The following ZNF319 variants were observed in gnomAD, a reference collection of about 807,000 sequenced individuals.
ZNF319 encodes zinc finger protein 319.
A neutral mutation model predicts 46.0 loss-of-function variants in ZNF319; 15 were observed. The observed-to-expected ratio is 0.33, with a 90% CI of 0.22 to 0.50. ZNF319 has a LOEUF of 0.50. Among genes scored for constraint, ZNF319 ranks in the 20% least tolerant of loss-of-function variants. The pLI, the probability that ZNF319 is intolerant of heterozygous loss-of-function variation, is 0.98. For synonymous variants in ZNF319, 368 were observed against 364.0 expected (o/e 1.01, Z -0.13); for missense variants, 635 against 807.0 (o/e 0.79, Z 2.58).
At chr16:57,999,420 C>T (rs1012845101) in intron 1 of ZNF319, 73 bp downstream of exon 1, 1 of 152,302 alleles carries the variant, frequency 6.6e-6, no homozygotes, top group East Asian at 1.9e-4. Flanking sequence ...CATTCCCTTA[C>T]TCCAAGCCTA....
At position 57,996,948 on chromosome 16, in the gene ZNF319, C is replaced by T. The variant is rs981635877; in HGVS notation, c.1318G>A (p.Ala440Thr). The T allele has an allele frequency of 6.2e-7, 1 of 1,601,782 alleles. No individual in the cohort carries two copies. The highest frequency in any genetic ancestry group is 8.5e-7 in the Non-Finnish European group (1 of 1,178,750). ...AGCTGGTGCTTCTGCAGGGCCGACGCGCGCTTGTAGGCCTTGTTGCACACA... is the reference window on the plus strand; with the variant it reads ...AGCTGGTGCTTCTGCAGGGCCGACGTGCGCTTGTAGGCCTTGTTGCACACA... The part of the protein sequence containing the change: ...CPVCNKAYKR[A>T]SALQKHQLAH... Residue 440 changes from alanine to threonine, a missense_variant, in exon 2 of 2, where the codon GCG becomes ACG. Around this residue, in one of 3 missense-constraint regions of ZNF319, gnomAD observed 270 missense variants for 281.4 expected, o/e 0.96. Transcript: ENST00000299237.
At position 57,997,965 on chromosome 16, in the gene ZNF319, C is replaced by A; in HGVS notation, c.301G>T (p.Asp101Tyr). ...CACTGTGTGCACTGGAATGAGCGGT[C>A]ATGGCCCGCCAGACACTGGTGCTCA... ...PHEHQCLAGHDRSFQCTQCLK... is the reference protein window; with the variant it reads ...PHEHQCLAGHYRSFQCTQCLK... Residue 101 changes from aspartate (D) to tyrosine (Y), a missense_variant, in exon 2 of 2, where the codon GAC becomes TAC. Around this residue, in one of 3 missense-constraint regions of ZNF319, gnomAD observed 227 missense variants for 277.5 expected, o/e 0.82. Coordinates refer to ENST00000299237, the MANE Select transcript of ZNF319 (RefSeq NM_020807.3). The A allele has an allele frequency of 6.2e-7, 1 of 1,613,538 alleles. No homozygotes were observed. Among genetic ancestry groups the A allele is most frequent in the Non-Finnish European group, 8.5e-7 (1 of 1,180,044 alleles).
chr16:57,998,676 G>C (rs1258620726), intron 1 of ZNF319, among the ~76,000 whole-genome samples, 154 bp from the exon 2 acceptor site: 2 of 152,118 alleles, frequency 1.3e-5, no homozygotes, highest in Non-Finnish European at 2.9e-5. Context: ...CCCTTCTTAG[G>C]CAATCAGAGA....
rs894017451 is a variant in ZNF319 at position 57,998,199 on chromosome 16, G to A, written c.67C>T (p.His23Tyr). 1 of 1,545,724 alleles carries A rather than the reference G, an allele frequency of 6.5e-7. No individual in the cohort carries two copies. The highest frequency in any genetic ancestry group is 8.7e-7 in the Non-Finnish European group (1 of 1,145,230). The change falls in exon 2 of 2, where the codon CAC becomes TAC. Residue 23 changes from histidine to tyrosine, a missense_variant. Physicochemically the swap from His to Tyr is moderately conservative, Grantham distance 83 (BLOSUM62 2). Around this residue, in one of 3 missense-constraint regions of ZNF319, gnomAD observed 227 missense variants for 277.5 expected, o/e 0.82. Transcript: ENST00000299237. Reference sequence around the variant, plus strand: ...AGGGCTGGCGGTGGCTCTGCATGGTGCTGAGGCTGCGGTGGCTGTGGCTGC... The same window carrying A: ...AGGGCTGGCGGTGGCTCTGCATGGTACTGAGGCTGCGGTGGCTGTGGCTGC... ...PQQPQPPQPQ[H>Y]HAEPPPALAE...
At position 57,997,991 on chromosome 16, in the gene ZNF319, T is replaced by C. The variant is rs764498971; in HGVS notation, c.275A>G (p.His92Arg). ...GHDLAHLSSP[H>R]EHQCLAGHDR... ...ATGGCCCGCCAGACACTGGTGCTCA[T>C]GCGGACTGGACAGGTGCGCCAGGTC... Residue 92 changes from histidine to arginine, a missense_variant, in exon 2 of 2, where the codon CAT becomes CGT. Coordinates refer to ENST00000299237, the MANE Select transcript of ZNF319 (RefSeq NM_020807.3). 11 of 1,613,368 alleles carry C rather than the reference T, an allele frequency of 6.8e-6. No homozygotes were observed. Among genetic ancestry groups the C allele is most frequent in the Non-Finnish European group, 8.5e-6 (10 of 1,180,046 alleles).
Position 57,998,321 on chromosome 16 carries a change from G to C in ZNF319, c.-56C>G. 2 of 1,510,978 alleles carry C rather than the reference G, an allele frequency of 1.3e-6. No individual in the cohort carries two copies. Among genetic ancestry groups the C allele is most frequent in the South Asian group, 1.3e-5 (1 of 74,520 alleles). 93.6% of individuals were successfully genotyped at this position (1,510,978 alleles called of 1,614,324 possible). A position where few individuals can be genotyped will look rare whatever the true frequency, so the allele number is the denominator to read the frequency against. Reference sequence around the variant, plus strand: ...TAATGGCTTCAGTTTCCCGCTTCACGTGACCCAATCCAGAGAGAGAAGCTG... The same window carrying C: ...TAATGGCTTCAGTTTCCCGCTTCACCTGACCCAATCCAGAGAGAGAAGCTG... On this transcript the variant is annotated 5_prime_UTR_variant, in exon 2 of 2. Coordinates refer to ENST00000299237, the MANE Select transcript of ZNF319 (RefSeq NM_020807.3).
chr16:57,996,993 C>T lies in ZNF319; in HGVS notation c.1273G>A (p.Glu425Lys). The change falls in exon 2 of 2, where the codon GAG becomes AAG. Residue 425 changes from glutamate (E) to lysine (K), a missense_variant. By Grantham distance (56) the Glu-to-Lys change is moderately conservative (BLOSUM62 1). Transcript: ENST00000299237. Reference protein sequence around the residue: ...LRHKCLPGAAERPFKCPVCNK... With the variant: ...LRHKCLPGAAKRPFKCPVCNK... Reference sequence around the variant, plus strand: ...CACACAGGGCACTTGAAGGGCCGCTCGGCCGCGCCGGGCAGGCACTTGTGC... The same window carrying T: ...CACACAGGGCACTTGAAGGGCCGCTTGGCCGCGCCGGGCAGGCACTTGTGC... The T allele has an allele frequency of 1.2e-6, 2 of 1,606,434 alleles. No individual in the cohort carries two copies. The highest frequency in any genetic ancestry group is 8.5e-7 in the Non-Finnish European group (1 of 1,178,980).
In ZNF319 at chr16:57,997,723, C is replaced by T. The variant is rs780917852; in HGVS notation, c.543G>A (p.Pro181=). The T allele has an allele frequency of 4.3e-6, 7 of 1,613,626 alleles. No homozygotes were observed. Among genetic ancestry groups the T allele is most frequent in the Admixed American group, 1.7e-5 (1 of 60,030 alleles). ...EAAEPATTAA[P]SLPAAPAPST... Reference sequence around the variant, plus strand: ...AAGGCGCGGGTGCTGCGGGAAGCGACGGGGCGGCTGTGGTGGCTGGCTCCG... The same window carrying T: ...AAGGCGCGGGTGCTGCGGGAAGCGATGGGGCGGCTGTGGTGGCTGGCTCCG... Residue 181 remains proline (P), a synonymous_variant, in exon 2 of 2, where the codon CCG becomes CCA. Coordinates refer to ENST00000299237, the MANE Select transcript of ZNF319 (RefSeq NM_020807.3).
rs138089497 is a variant in ZNF319 at position 57,997,285 on chromosome 16, G to T, written c.981C>A (p.Pro327=). Residue 327 remains proline (P), a synonymous_variant, in exon 2 of 2, where the codon CCC becomes CCA. Transcript: ENST00000299237. The stretch of plus-strand genomic sequence containing the variant: ...TGCGCTCATGCTGCCGCAGGTCCGA[G>T]GGCCGCTTGAAGGCCTTCTGGCACT... The part of the protein sequence containing the change: ...CGECQKAFKR[P]SDLRQHERTH... 1,887 of 1,607,608 alleles carry T rather than the reference G, an allele frequency of 1.2e-3. No individual in the cohort carries two copies. The highest frequency in any genetic ancestry group is 1.5e-3 in the South Asian group (132 of 90,854).
Position 57,996,546 on chromosome 16 carries a change from C to A in ZNF319, c.1720G>T (p.Ala574Ser). 1 of 1,547,908 alleles carries A rather than the reference C, an allele frequency of 6.5e-7. No individual in the cohort carries two copies. The highest frequency in any genetic ancestry group is 1.4e-5 in the African/African-American group (1 of 73,600). Residue 574 changes from alanine to serine, a missense_variant, in exon 2 of 2, where the codon GCC becomes TCC. By Grantham distance (99) the Ala-to-Ser change is moderately conservative (BLOSUM62 1). Coordinates refer to ENST00000299237, the MANE Select transcript of ZNF319 (RefSeq NM_020807.3). Reference protein sequence around the residue: ...HSAAAAAAEGAYQVAACLP With the variant: ...HSAAAAAAEGSYQVAACLP ...GGCAGGCAGGCGGCTACCTGGTAGGCGCCCTCCGCTGCCGCGGCGGCGGCA... is the reference window on the plus strand; with the variant it reads ...GGCAGGCAGGCGGCTACCTGGTAGGAGCCCTCCGCTGCCGCGGCGGCGGCA...
chr16:58,000,315 G>T lies in ZNF319; in HGVS notation c.-1080C>A. ...CCGCTAGGTCGCGGCGGAGGGGCGC[G>T]GGGGGGCGGCCGGGCCGGCAGAGGA... On this transcript the variant is annotated 5_prime_UTR_variant, in exon 1 of 2. Coordinates refer to ENST00000299237, the MANE Select transcript of ZNF319 (RefSeq NM_020807.3). This position sits in a 1 kb window ranked among gnomAD's most constrained non-coding sequence, Gnocchi z 4.5. 1 of 151,716 alleles carries T rather than the reference G, an allele frequency of 6.6e-6. No homozygotes were observed. The highest frequency in any genetic ancestry group is 2.0e-4 in the South Asian group (1 of 4,972). 9.4% of individuals were successfully genotyped at this position (151,716 alleles called of 1,614,324 possible). A position where few individuals can be genotyped will look rare whatever the true frequency, so the allele number is the denominator to read the frequency against.
At position 57,995,485 on chromosome 16, in the gene ZNF319, C is replaced by T. The variant is rs1962994571; in HGVS notation, c.*1032G>A. On this transcript the variant is annotated 3_prime_UTR_variant, in exon 2 of 2. Coordinates refer to ENST00000299237, the MANE Select transcript of ZNF319 (RefSeq NM_020807.3). ...GATGTAGGGAGGGTACTGGGGGGGTCCCCACCCTGGCCTAGTCTTGGCTCT... is the reference window on the plus strand; with the variant it reads ...GATGTAGGGAGGGTACTGGGGGGGTTCCCACCCTGGCCTAGTCTTGGCTCT... 1 of 152,946 alleles carries T rather than the reference C, an allele frequency of 6.5e-6. No individual in the cohort carries two copies. The highest frequency in any genetic ancestry group is 3.4e-3 in the Middle Eastern group (1 of 294). 9.5% of individuals were successfully genotyped at this position (152,946 alleles called of 1,614,324 possible). A position where few individuals can be genotyped will look rare whatever the true frequency, so the allele number is the denominator to read the frequency against.
In ZNF319 at chr16:57,997,870, G is replaced by C; in HGVS notation, c.396C>G (p.Phe132Leu). ...AGCCCATCTTGCAGACCCCACAGAC[G>C]AAGGGCTTCTGCTCAGCCTGCACGC... ...HQCVQAEQKP[F>L]VCGVCKMGFS... is the part of the protein sequence containing the mutation. Residue 132 changes from phenylalanine to leucine, a missense_variant, in exon 2 of 2, where the codon TTC (phenylalanine) becomes TTG (leucine). Coordinates refer to ENST00000299237, the MANE Select transcript of ZNF319 (RefSeq NM_020807.3). The C allele has an allele frequency of 1.2e-6, 2 of 1,613,352 alleles. No individual in the cohort carries two copies. The highest frequency in any genetic ancestry group is 1.7e-6 in the Non-Finnish European group (2 of 1,180,044).
rs926296197 is a variant in ZNF319, at chr16:58,000,055, G to T, written c.-820C>A. ...AGGCCCCCCACCTGCGCCCCACCCC[G>T]TCTCTTCTTCCTCCCTGAGAAACCG... is the stretch of plus-strand genomic sequence containing the variant. On this transcript the variant is annotated 5_prime_UTR_variant, in exon 1 of 2. Transcript: ENST00000299237. The surrounding 1 kb of genome is among the most constrained non-coding windows in gnomAD (Gnocchi z 4.5). Among the ~76,000 whole-genome samples the T allele has an allele frequency of 3.3e-5, 5 of 152,110 alleles. No individual in the cohort carries two copies. Among genetic ancestry groups the T allele is most frequent in the African/African-American group, 1.2e-4 (5 of 41,426 alleles).
chr16:58,000,635 G>A lies in ZNF319; in HGVS notation c.-1400C>T, dbSNP rs985219199. On this transcript the variant is annotated 5_prime_UTR_variant, in exon 1 of 2. Transcript: ENST00000299237. This position sits in a 1 kb window ranked among gnomAD's most constrained non-coding sequence, Gnocchi z 4.5. ...GGGGCCGGGGCGAGGAGCGCCGGGA[G>A]GGCGGGCGGACGGACCGATGGCCTT... is the stretch of plus-strand genomic sequence containing the variant. 2.7e-4 allele frequency among the ~76,000 whole-genome samples: 41 copies of A among 149,512 alleles called. No individual in the cohort carries two copies. The highest frequency in any genetic ancestry group is 3.5e-3 in the Middle Eastern group (1 of 288).
rs750113812 is a variant in ZNF319, at chr16:57,999,508, T to G, written c.-273A>C. On this transcript the variant is annotated 5_prime_UTR_variant, in exon 1 of 2. The change abolishes an upstream ATG in the 5' untranslated region. Coordinates refer to ENST00000299237, the MANE Select transcript of ZNF319 (RefSeq NM_020807.3). ...TCTAACTCACCACTTTGTGGCAGCA[T>G]GAGGTAATGCCAGCGAGAGGGAGGA... is the stretch of plus-strand genomic sequence containing the variant. 6.6e-6 allele frequency: 1 copy of G among 152,228 alleles called. No individual in the cohort carries two copies. The highest frequency in any genetic ancestry group is 1.5e-5 in the Non-Finnish European group (1 of 68,058). The allele number at this position is 152,228 out of a possible 1,614,324, so 9.4% of individuals were successfully genotyped here.
In ZNF319 at chr16:57,999,525, G is replaced by C. The variant is rs1963107392; in HGVS notation, c.-290C>G. 1 of 152,270 alleles carries C rather than the reference G, an allele frequency of 6.6e-6. No individual in the cohort carries two copies. Among genetic ancestry groups the C allele is most frequent in the African/African-American group, 2.4e-5 (1 of 41,470 alleles). The allele number at this position is 152,270 out of a possible 1,614,324, so 9.4% of individuals were successfully genotyped here. ...TGGCAGCATGAGGTAATGCCAGCGA[G>C]AGGGAGGAACTTTCAGAGTCAGATG... On this transcript the variant is annotated 5_prime_UTR_variant, in exon 1 of 2. Coordinates refer to ENST00000299237, the MANE Select transcript of ZNF319 (RefSeq NM_020807.3).
At position 57,996,143 on chromosome 16, in the gene ZNF319, G is replaced by T; in HGVS notation, c.*374C>A. ...TGTGGCTGCTAGCTTGAAAGATATG[G>T]GAAGGTTGGGCTGGCATCACACCCT... On this transcript the variant is annotated 3_prime_UTR_variant, in exon 2 of 2. Transcript: ENST00000299237. The T allele has an allele frequency of 4.0e-6, 1 of 252,606 alleles. No homozygotes were observed. The highest frequency in any genetic ancestry group is 7.7e-5 in the East Asian group (1 of 13,054). 15.6% of individuals were successfully genotyped at this position (252,606 alleles called of 1,614,324 possible).
In ZNF319 at chr16:57,996,676, G is replaced by A. The variant is rs563015923; in HGVS notation, c.1590C>T (p.Asn530=). 1.2e-6 allele frequency: 2 copies of A among 1,613,276 alleles called. No homozygotes were observed. Among genetic ancestry groups the A allele is most frequent in the East Asian group, 2.2e-5 (1 of 44,868 alleles). ...DKAFKQREHL[N]KHQGVHAREQ... ...CGCGGGCGTGCACGCCCTGGTGCTT[G>A]TTGAGATGCTCCCGCTGCTTGAAGG... is the stretch of plus-strand genomic sequence containing the variant. Residue 530 remains asparagine, a synonymous_variant, in exon 2 of 2, where the codon AAC becomes AAT. Coordinates refer to ENST00000299237, the MANE Select transcript of ZNF319 (RefSeq NM_020807.3).
Sources: allele counts gnomAD v4.1 joint callset (sites outside exome capture counted in the v4.1 genomes callset), GRCh38; gene constraint gnomAD v4.1.1; regional missense constraint gnomAD v4.1.1; non-coding constraint Gnocchi (gnomAD v3.1); transcripts MANE v1.5; gene names NCBI Gene and HGNC (gene_info 2026-07-23, HGNC 2026-07-21).